Variants in CLHC1 observed in about 807,000 individuals in gnomAD.
CLHC1 encodes clathrin heavy chain linker domain-containing protein 1.
CLHC1 carries 72 observed loss-of-function variants against 69.5 expected under a neutral mutation model. The ratio of observed to expected loss-of-function variants is 1.04; its 90% CI spans 0.86 to 1.26. The LOEUF (loss-of-function observed/expected upper bound fraction) is 1.26. CLHC1 is among the 50% of genes most tolerant of loss of function. The pLI is 0.00. For missense variants in CLHC1, 790 were observed against 679.3 expected (o/e 1.16, Z -1.81); for synonymous variants, 223 against 224.3 (o/e 0.99, Z 0.05).
chr2:55,220,169 G>A (rs886677460), intron 3 of CLHC1, among the ~76,000 whole-genome samples: 11 of 152,096 alleles, frequency 7.2e-5, no homozygotes, highest in African/African-American at 2.7e-4. Flanking sequence ...TTTGATTCAG[G>A]TATGATTCTC....
chr2:55,177,024 C>A (rs1050238846), intron 12 of CLHC1, among the ~76,000 whole-genome samples: 1 of 152,088 alleles, frequency 6.6e-6, no homozygotes, highest in Non-Finnish European at 1.5e-5. Context: ...CAGGTGCATG[C>A]CACATGTGGC....
intron 8 of CLHC1, among the ~76,000 whole-genome samples, chr2:55,207,113 T>TA (rs1672528498): frequency 1.3e-5 from 2 of 150,580 alleles, no homozygotes; most frequent in Non-Finnish European, 1.5e-5. Context: ...AGACTCCGTC[T>TA]GAAAAAAAAA....
rs1413568298 is a variant in CLHC1, at chr2:55,217,998, C to T, written c.178G>A (p.Val60Ile). 1.4e-6 allele frequency: 2 copies of T among 1,413,228 alleles called. No individual in the cohort carries two copies. The highest frequency in any genetic ancestry group is 2.7e-5 in the Admixed American group (1 of 37,662). The allele number at this position is 1,413,228 out of a possible 1,614,324, so 87.5% of individuals were successfully genotyped here. A position where few individuals can be genotyped will look rare whatever the true frequency, so the allele number is the denominator to read the frequency against. The change falls in exon 4 of 13, where the codon GTA (valine) becomes ATA (isoleucine). Residue 60 changes from valine (V) to isoleucine (I), a missense_variant and splice_region_variant. Coordinates refer to ENST00000401408, the MANE Select transcript of CLHC1 (RefSeq NM_152385.4). ...YIIYRNVFDKVIEHITAYKSI... is the reference protein window; with the variant it reads ...YIIYRNVFDKIIEHITAYKSI... Reference sequence around the variant, plus strand: ...TTGTATGCAGTGATATGCTCTATTACCTGAAATATTATTTTTCTGCCTATG... The same window carrying T: ...TTGTATGCAGTGATATGCTCTATTATCTGAAATATTATTTTTCTGCCTATG...
rs1553343084 is a variant in CLHC1 at position 55,184,102 on chromosome 2, C to CTTTCTT, written c.1007-2359_1007-2358insAAGAAA. Among the ~76,000 whole-genome samples, 8 of 10,914 alleles carry CTTTCTT rather than the reference C, an allele frequency of 7.3e-4. 2 individuals carry two copies. The highest frequency in any genetic ancestry group is 1.3e-3 in the African/African-American group (2 of 1,554). 7.2% of individuals were successfully genotyped at this position (10,914 alleles called of 152,430 possible). The stretch of plus-strand genomic sequence containing the variant: ...CCTGTTTTCTCTCTTTTCTTTCTTT[C>CTTTCTT]TTTATTTTTTTTTTTTTTTTCGAGA... On this transcript the variant is annotated intron_variant, in intron 9 of 12. Transcript: ENST00000401408.
intron 2 of CLHC1, 80 bp from the exon 3 acceptor site, chr2:55,222,573 T>A (rs1674240690): frequency 1.1e-5 from 6 of 553,258 alleles, no homozygotes; most frequent in South Asian, 5.3e-5. Context: ...GTATTTTTTT[T>A]AGAAAAAAAT....
intron 8 of CLHC1, among the ~76,000 whole-genome samples, chr2:55,208,163 T>C (rs1313428394): frequency 6.6e-6 from 1 of 152,218 alleles, no homozygotes; most frequent in Non-Finnish European, 1.5e-5. Flanking sequence ...CAGGCTGGGT[T>C]TCCCTTATCC....
chr2:55,187,303 T>TAAAATAAAAC (rs1670508713), intron 9 of CLHC1, among the ~76,000 whole-genome samples: 1 of 141,782 alleles, frequency 7.1e-6, no homozygotes, highest in Admixed American at 7.2e-5. Context: ...TAAAATAAAA[T>TAAAATAAAAC]AAAATAAAAT....
chr2:55,176,053 C>T, intron 12 of CLHC1, 67 bp from the exon 13 acceptor site: 1 of 1,312,616 alleles, frequency 7.6e-7, no homozygotes, highest in Non-Finnish European at 1.1e-6. Context: ...AGTGATTCTT[C>T]AAAAATAGAA....
chr2:55,182,807 C>T lies in CLHC1; in HGVS notation c.1007-1063G>A, dbSNP rs372033120. ...GGGTAGGCTGGTTGTCTTGAAAAGG[C>T]TCTCTCAGAGAGGTCTGCATGCAGA... On this transcript the variant is annotated intron_variant, in intron 9 of 12. Transcript: ENST00000401408. Among the ~76,000 whole-genome samples, 10 of 152,082 alleles carry T rather than the reference C, an allele frequency of 6.6e-5. No homozygotes were observed. The East Asian group carries it at 1.2e-3, about 18-fold the overall frequency.
In CLHC1 at chr2:55,175,532, C is replaced by T. The variant is rs1669306386; in HGVS notation, c.*258G>A. 2 of 432,456 alleles carry T rather than the reference C, an allele frequency of 4.6e-6. No homozygotes were observed. Among genetic ancestry groups the T allele is most frequent in the East Asian group, 7.7e-5 (2 of 26,072 alleles). The allele number at this position is 432,456 out of a possible 1,614,324, so 26.8% of individuals were successfully genotyped here. ...TAGCTTATGTCCTTAGATAAAAATG[C>T]CCTACACTGTTTCACACAAAGTTAT... is the stretch of plus-strand genomic sequence containing the variant. On this transcript the variant is annotated 3_prime_UTR_variant, in exon 13 of 13. Transcript: ENST00000401408.
At position 55,232,288 on chromosome 2, in the gene CLHC1, G is replaced by A; in HGVS notation, c.-321C>T. On this transcript the variant is annotated 5_prime_UTR_variant, in exon 1 of 13. Coordinates refer to ENST00000401408, the MANE Select transcript of CLHC1 (RefSeq NM_152385.4). ...TCAGTGCTTAGAGATAGTAACTAGG[G>A]AATCTGGGAGGTGGAACTGCATCTT... 4.9e-6 allele frequency: 1 copy of A among 202,456 alleles called. No homozygotes were observed. The highest frequency in any genetic ancestry group is 1.0e-5 in the Non-Finnish European group (1 of 96,238). The allele number at this position is 202,456 out of a possible 1,614,324, so 12.5% of individuals were successfully genotyped here. A position where few individuals can be genotyped will look rare whatever the true frequency, so the allele number is the denominator to read the frequency against.
At chr2:55,177,516 A>T (rs544367889) in intron 12 of CLHC1, 86 bp downstream of exon 12, 1 of 895,976 alleles carries the variant, frequency 1.1e-6, no homozygotes, top group African/African-American at 1.7e-5. Flanking sequence ...TCTTAGGGAA[A>T]TTTGAGTTAA....
chr2:55,197,116 C>T (rs935792920), intron 9 of CLHC1, among the ~76,000 whole-genome samples: 6 of 152,018 alleles, frequency 3.9e-5, no homozygotes, highest in Non-Finnish European at 5.9e-5. Flanking sequence ...CCTCTGCCTG[C>T]GGGAAGGAGA....
intron 9 of CLHC1, among the ~76,000 whole-genome samples, chr2:55,197,085 T>C (rs1247112677): frequency 6.6e-6 from 1 of 152,128 alleles, no homozygotes; most frequent in East Asian, 1.9e-4. Flanking sequence ...CCTGTGGCAG[T>C]GCTATCCGTA....
chr2:55,203,508 A>G (rs1414664650), intron 9 of CLHC1, among the ~76,000 whole-genome samples: 2 of 152,220 alleles, frequency 1.3e-5, no homozygotes, highest in Non-Finnish European at 2.9e-5. Flanking sequence ...ACAAATGCAC[A>G]TACCTAAAGT....
chr2:55,230,523 T>C (rs1356851312), intron 1 of CLHC1, among the ~76,000 whole-genome samples: 1 of 152,166 alleles, frequency 6.6e-6, no homozygotes, highest in African/African-American at 2.4e-5. Context: ...ATGATGATAC[T>C]TTAAAAGTTA....
chr2:55,198,146 G>A (rs955575228), intron 9 of CLHC1, among the ~76,000 whole-genome samples: 1 of 152,076 alleles, frequency 6.6e-6, no homozygotes, highest in Non-Finnish European at 1.5e-5. Flanking sequence ...AAAATATACA[G>A]TGAGAGGAAA....
chr2:55,209,044 G>A (rs971303100), intron 7 of CLHC1, among the ~76,000 whole-genome samples: 1 of 151,528 alleles, frequency 6.6e-6, no homozygotes, highest in East Asian at 1.9e-4. Context: ...CTAATTTTTT[G>A]TATTTTTTTT....
At chr2:55,231,333 G>T (rs1038165816) in intron 1 of CLHC1, among the ~76,000 whole-genome samples, 12 of 152,130 alleles carry the variant, frequency 7.9e-5, no homozygotes, top group South Asian at 6.2e-4. Flanking sequence ...CATAGGTCAG[G>T]AAATTAAATT....
Sources: allele counts gnomAD v4.1 joint callset (sites outside exome capture counted in the v4.1 genomes callset), GRCh38; gene constraint gnomAD v4.1.1; transcripts MANE v1.5; gene names NCBI Gene and HGNC (gene_info 2026-07-23, HGNC 2026-07-21).